Variants in COL15A1 observed in about 807,000 individuals in gnomAD.
The protein encoded by COL15A1 is collagen alpha-1(XV) chain.
A neutral mutation model predicts 165.9 loss-of-function variants in COL15A1; 111 were observed. That is an observed-to-expected ratio of 0.67 (90% CI 0.57 to 0.78). The LOEUF (loss-of-function observed/expected upper bound fraction) is 0.78. COL15A1 is among the 30% of genes least tolerant of loss of function. The pLI, the probability that COL15A1 is intolerant of heterozygous loss-of-function variation, is 0.00. For missense variants in COL15A1, 1,745 were observed against 1,789.7 expected (o/e 0.98, Z 0.45); for synonymous variants, 659 against 674.8 (o/e 0.98, Z 0.36).
intron 9 of COL15A1, among the ~76,000 whole-genome samples, chr9:99,010,625 C>G (rs1838834653): frequency 6.6e-6 from 1 of 152,224 alleles, no homozygotes; most frequent in Non-Finnish European, 1.5e-5. Flanking sequence ...TCGGCGGGAA[C>G]ACTTGTGAGT....
At chr9:99,026,240 T>C (rs2297602) in intron 16 of COL15A1, among the ~76,000 whole-genome samples, 21,184 of 152,228 alleles carry the variant, frequency 0.14, 1,668 homozygotes, top group East Asian at 0.28. Flanking sequence ...GAATCTTCTC[T>C]AACTCCTCCT....
At chr9:99,055,939 C>CT (rs1825714265) in intron 34 of COL15A1, among the ~76,000 whole-genome samples, 1 of 152,212 alleles carries the variant, frequency 6.6e-6, no homozygotes, top group South Asian at 2.1e-4. Context: ...ATCTAATTTG[C>CT]TTCATGATCT....
rs150569515 is a variant in COL15A1, at chr9:98,979,812, T to C, written c.101-5753T>C. 2.7e-3 allele frequency among the ~76,000 whole-genome samples: 404 copies of C among 152,314 alleles called. 6 individuals are homozygous for C. The East Asian group carries it at 0.047, about 18-fold the overall frequency. ...CAATTGAGAATCAAATCTGAGTTCATGGCCAGCAAACACTTCCTCTCTATT... is the reference window on the plus strand; with the variant it reads ...CAATTGAGAATCAAATCTGAGTTCACGGCCAGCAAACACTTCCTCTCTATT... On this transcript the variant is annotated intron_variant, in intron 2 of 41. Transcript: ENST00000375001.
Position 99,069,825 on chromosome 9 carries a change from G to C in COL15A1, c.4106G>C (p.Cys1369Ser). 1.2e-6 allele frequency: 2 copies of C among 1,614,204 alleles called. No individual in the cohort carries two copies. Among genetic ancestry groups the C allele is most frequent in the Non-Finnish European group, 1.7e-6 (2 of 1,180,004 alleles). Residue 1369 changes from cysteine (C) to serine (S), a missense_variant, in exon 42 of 42, where the codon TGT becomes TCT. Physicochemically the swap from Cys to Ser is moderately radical, Grantham distance 112 (BLOSUM62 -1). Transcript: ENST00000375001. ...GKILDQKAYS[C>S]ANRLIVLCIE... ...ATTCTGGACCAGAAAGCATACAGCTGTGCTAATCGGCTAATTGTCCTATGT... is the reference window on the plus strand; with the variant it reads ...ATTCTGGACCAGAAAGCATACAGCTCTGCTAATCGGCTAATTGTCCTATGT...
chr9:99,004,814 G>A (rs1198386871), intron 8 of COL15A1, 84 bp from the exon 9 acceptor site: 3 of 1,518,842 alleles, frequency 2.0e-6, no homozygotes, highest in Admixed American at 3.4e-5. Flanking sequence ...TGCTTTGAGG[G>A]GCCCTGGCCT....
chr9:99,047,723 T>G, intron 26 of COL15A1, 63 bp from the exon 27 acceptor site: 1 of 1,570,088 alleles, frequency 6.4e-7, no homozygotes, highest in Non-Finnish European at 8.8e-7. Context: ...GGGCTTGCAC[T>G]CCTCATTTCC....
chr9:99,004,815 G>A lies in COL15A1; in HGVS notation c.1201-83G>A, dbSNP rs576104400. The A allele has an allele frequency of 1.9e-5, 29 of 1,527,934 alleles. No individual in the cohort carries two copies. The African/African-American group carries it at 3.5e-4, about 19-fold the overall frequency. The allele number at this position is 1,527,934 out of a possible 1,614,324, so 94.6% of individuals were successfully genotyped here. On this transcript the variant is annotated intron_variant, in intron 8 of 41. Transcript: ENST00000375001. ...TCTTGGTGTGCAGGTGCTTTGAGGG[G>A]CCCTGGCCTTCTGTTCCTTACCACA...
intron 40 of COL15A1, among the ~76,000 whole-genome samples, chr9:99,067,982 T>A (rs1258529367): frequency 6.6e-6 from 1 of 152,220 alleles, no homozygotes; most frequent in Non-Finnish European, 1.5e-5. Context: ...AACACAATTT[T>A]GATTGGAAGG....
chr9:98,976,854 G>T (rs913039175), intron 2 of COL15A1, among the ~76,000 whole-genome samples: 5 of 152,102 alleles, frequency 3.3e-5, no homozygotes, highest in African/African-American at 9.7e-5. Flanking sequence ...GTGCAGGAGC[G>T]GGAATGCCCA....
chr9:98,979,081 G>A (rs1464934179), intron 2 of COL15A1, among the ~76,000 whole-genome samples: 1 of 152,106 alleles, frequency 6.6e-6, no homozygotes, highest in African/African-American at 2.4e-5. Flanking sequence ...CGCTGCCTTG[G>A]ATTTCGTTGT....
rs375585552 is a variant in COL15A1, at chr9:99,038,375, A to G, written c.2410-293A>G. 6.6e-5 allele frequency among the ~76,000 whole-genome samples: 10 copies of G among 152,352 alleles called. No individual in the cohort carries two copies. The East Asian group carries it at 1.9e-3, about 29-fold the overall frequency. On this transcript the variant is annotated intron_variant, in intron 21 of 41. Coordinates refer to ENST00000375001, the MANE Select transcript of COL15A1 (RefSeq NM_001855.5). ...CACATGGACAAACACACACACCCCA[A>G]CACTGTGCTTTCTGTGGGTGCATAT...
chr9:98,973,529 T>C (rs1838094874), intron 2 of COL15A1, among the ~76,000 whole-genome samples: 1 of 152,232 alleles, frequency 6.6e-6, no homozygotes, highest in South Asian at 2.1e-4. Flanking sequence ...TCTCGCACCT[T>C]TGCTGGGTGC....
chr9:98,984,825 T>G (rs1377548132), intron 2 of COL15A1, among the ~76,000 whole-genome samples: 1 of 152,204 alleles, frequency 6.6e-6, no homozygotes. Flanking sequence ...GGACTCTCCC[T>G]CTGTCACTGA....
At chr9:98,985,123 A>C (rs1296347280) in intron 2 of COL15A1, among the ~76,000 whole-genome samples, 1 of 152,136 alleles carries the variant, frequency 6.6e-6, no homozygotes, top group Non-Finnish European at 1.5e-5. Context: ...GAAAAAAAAA[A>C]TCTCCAAGTC....
chr9:99,056,280 C>T lies in COL15A1; in HGVS notation c.3213C>T (p.Val1071=), dbSNP rs572974981. 2.0e-5 allele frequency: 33 copies of T among 1,614,162 alleles called. No individual in the cohort carries two copies. The highest frequency in any genetic ancestry group is 8.9e-5 in the East Asian group (4 of 44,880). Residue 1071 remains valine, a synonymous_variant, in exon 35 of 42, where the codon GTC becomes GTT. Coordinates refer to ENST00000375001, the MANE Select transcript of COL15A1 (RefSeq NM_001855.5). ...GACAGGGCCAAAAAGGGGAGACAGT[C>T]GTTGGGCCCCAAGGACCCCCAGGTG... is the stretch of plus-strand genomic sequence containing the variant. ...PGPAGQKGET[V]VGPQGPPGAP...
intron 2 of COL15A1, among the ~76,000 whole-genome samples, chr9:98,969,066 T>C (rs539754200): frequency 6.6e-6 from 1 of 152,338 alleles, no homozygotes; most frequent in East Asian, 1.9e-4. Flanking sequence ...TGGCAAAGCA[T>C]TTTCTCATTC....
intron 16 of COL15A1, among the ~76,000 whole-genome samples, chr9:99,029,807 C>A (rs1839185917): frequency 6.6e-6 from 1 of 152,106 alleles, no homozygotes; most frequent in Admixed American, 6.5e-5. Context: ...CACCTGTAAT[C>A]CCAGCTACTC....
intron 35 of COL15A1, among the ~76,000 whole-genome samples, 185 bp downstream of exon 35, chr9:99,056,589 T>C (rs1478980263): frequency 1.3e-5 from 2 of 152,200 alleles, no homozygotes; most frequent in African/African-American, 4.8e-5. Flanking sequence ...CTAAAGTGTC[T>C]AATCCAGTAG....
intron 21 of COL15A1, among the ~76,000 whole-genome samples, chr9:99,036,855 A>C (rs960074167): frequency 6.6e-6 from 1 of 152,234 alleles, no homozygotes; most frequent in African/African-American, 2.4e-5. Flanking sequence ...ATGGGTTGCC[A>C]GATGTGCTTC....
Sources: allele counts gnomAD v4.1 joint callset (sites outside exome capture counted in the v4.1 genomes callset), GRCh38; gene constraint gnomAD v4.1.1; transcripts MANE v1.5; gene names NCBI Gene and HGNC (gene_info 2026-07-23, HGNC 2026-07-21).